Variants in FGF13 observed in about 807,000 individuals in gnomAD.
FGF13 encodes fibroblast growth factor 13, also known as fibroblast growth factor homologous factor 2.
Under a neutral mutation model 19.5 loss-of-function variants are expected in FGF13, and 2 were observed. That is an observed-to-expected ratio of 0.10 (90% confidence interval 0.04 to 0.32). The LOEUF is 0.32. Among genes scored for constraint, FGF13 ranks in the 10% least tolerant of loss-of-function variants. FGF13 has a pLI of 1.00. For missense variants in FGF13, 113 were observed against 192.7 expected (o/e 0.59, Z 2.45); for synonymous variants, 72 against 76.9 (o/e 0.94, Z 0.33).
rs192144966 is a variant in FGF13 at position 139,115,996 on chromosome X, C to T, written c.-113+87420G>A. Among the ~76,000 whole-genome samples, 800 of 112,269 alleles carry T rather than the reference C, an allele frequency of 7.1e-3. 9 individuals carry two copies. Among genetic ancestry groups the T allele is most frequent in the African/African-American group, 0.025 (777 of 30,921 alleles). On this transcript the variant is annotated intron_variant, in intron 1 of 2. Coordinates refer to the FGF13 transcript ENST00000421460. ...TGGAATCATGAAGGGCTCTTTAGCT[C>T]AATGAGTAAATACATAGATCTCCAG... is the stretch of plus-strand genomic sequence containing the variant.
At chrX:138,798,026 C>T in intron 3 of FGF13, among the ~76,000 whole-genome samples, 1 of 111,836 alleles carries the variant, frequency 8.9e-6, no homozygotes, top group Non-Finnish European at 1.9e-5. Context: ...AATTTGACTT[C>T]CTGTGTTCCA....
chrX:138,731,948 A>G (rs759955847), intron 1 of FGF13, among the ~76,000 whole-genome samples: 6 of 111,990 alleles, frequency 5.4e-5, no homozygotes, highest in South Asian at 3.7e-4. Flanking sequence ...ATACTTCCTT[A>G]AAGAATATGT....
chrX:138,796,471 T>C (rs907186669), intron 3 of FGF13, among the ~76,000 whole-genome samples: 4 of 112,204 alleles, frequency 3.6e-5, no homozygotes, highest in Non-Finnish European at 7.5e-5. Flanking sequence ...CAGTCTATCA[T>C]TGATGGGCAT....
intron 1 of FGF13, among the ~76,000 whole-genome samples, chrX:139,170,285 T>C (rs1276722008): frequency 9.0e-6 from 1 of 111,550 alleles, no homozygotes; most frequent in East Asian, 2.8e-4. Flanking sequence ...TTCTCATTTA[T>C]GCTAATGCAT....
chrX:138,655,155 A>G (rs1235129975), intron 3 of FGF13, among the ~76,000 whole-genome samples: 1 of 111,878 alleles, frequency 8.9e-6, no homozygotes, highest in Admixed American at 9.5e-5. Flanking sequence ...CCTTATCTAA[A>G]ATATTGTCAA....
intron 1 of FGF13, among the ~76,000 whole-genome samples, chrX:138,891,497 T>C (rs768297511): frequency 7.2e-5 from 8 of 111,122 alleles, no homozygotes; most frequent in Non-Finnish European, 1.5e-4. Flanking sequence ...CATGAACTCA[T>C]CTAAGCCTAA....
intron 1 of FGF13, among the ~76,000 whole-genome samples, chrX:138,939,325 C>T (rs2091747099): frequency 8.9e-6 from 1 of 112,186 alleles, no homozygotes; most frequent in Admixed American, 9.5e-5. Context: ...TATTCATAAG[C>T]TAAAACTAAG....
intron 1 of FGF13, among the ~76,000 whole-genome samples, chrX:138,951,934 A>G: frequency 1.8e-5 from 2 of 111,338 alleles, no homozygotes; most frequent in Middle Eastern, 4.6e-3. Context: ...AAGAGGATAC[A>G]AACAAATGGA....
intron 1 of FGF13, among the ~76,000 whole-genome samples, chrX:139,004,088 C>T (rs1376646741): frequency 8.9e-6 from 1 of 112,452 alleles, no homozygotes; most frequent in South Asian, 3.7e-4. Context: ...TGGTGCTCGT[C>T]GGGGAGGCTT....
chrX:138,738,541 G>A (rs1049323139), intron 1 of FGF13, among the ~76,000 whole-genome samples: 3 of 111,590 alleles, frequency 2.7e-5, no homozygotes, highest in Non-Finnish European at 5.6e-5. Flanking sequence ...TGGTCGCTCC[G>A]GCAACCTTCT....
intron 1 of FGF13, among the ~76,000 whole-genome samples, chrX:139,064,275 T>TAAAATACAACACTGTGGGTAACCCAACC (rs1288863863): frequency 1.4e-5 from 1 of 69,068 alleles, no homozygotes; most frequent in African/African-American, 7.1e-5. Context: ...AGAGTTCTTT[T>TAAAATACAACACTGTGGGTAACCCAACC]TTTTTCTTTT....
chrX:139,174,296 A>G (rs919150170), intron 1 of FGF13, among the ~76,000 whole-genome samples: 1 of 111,895 alleles, frequency 8.9e-6, no homozygotes, highest in Admixed American at 9.4e-5. Flanking sequence ...TAGATTCTGG[A>G]TGTTAGCTCT....
intron 1 of FGF13, among the ~76,000 whole-genome samples, chrX:138,727,417 C>T (rs1473601450): frequency 9.0e-6 from 1 of 110,810 alleles, no homozygotes; most frequent in African/African-American, 3.3e-5. Context: ...GTTACTGAAG[C>T]ACATAAAGAA....
upstream of FGF13, among the ~76,000 whole-genome samples, chrX:138,740,557 C>G (rs182933853): frequency 3.6e-5 from 4 of 111,914 alleles, no homozygotes; most frequent in Non-Finnish European, 5.6e-5. Flanking sequence ...TGCTTTAGCT[C>G]TGAGGATGGG....
chrX:139,101,165 C>G, intron 1 of FGF13, among the ~76,000 whole-genome samples: 2 of 111,971 alleles, frequency 1.8e-5, no homozygotes, highest in Middle Eastern at 9.2e-3. Context: ...ATGCACTGGA[C>G]TCAGAGACCC....
At chrX:138,936,396 T>C (rs1183450820) in intron 1 of FGF13, among the ~76,000 whole-genome samples, 1 of 111,774 alleles carries the variant, frequency 8.9e-6, no homozygotes, top group Non-Finnish European at 1.9e-5. Flanking sequence ...GAGTAGAAAA[T>C]AACAAAATAT....
intron 3 of FGF13, among the ~76,000 whole-genome samples, chrX:138,693,273 G>T (rs2089857707): frequency 8.9e-6 from 1 of 111,736 alleles, no homozygotes; most frequent in South Asian, 3.7e-4. Context: ...GTGTTTGGAA[G>T]TAAAATCTAA....
chrX:138,658,147 G>A (rs1019501246), intron 3 of FGF13, among the ~76,000 whole-genome samples: 2 of 112,176 alleles, frequency 1.8e-5, no homozygotes, highest in Non-Finnish European at 3.8e-5. Context: ...TTGTGTTCAG[G>A]AGGGAAGGAT....
chrX:139,104,885 A>G (rs946786659), intron 1 of FGF13, among the ~76,000 whole-genome samples: 2 of 111,392 alleles, frequency 1.8e-5, no homozygotes, highest in African/African-American at 6.5e-5. Flanking sequence ...ATTTTAACAT[A>G]TGAATTTGTA....
Sources: allele counts gnomAD v4.1 joint callset (sites outside exome capture counted in the v4.1 genomes callset), GRCh38; gene constraint gnomAD v4.1.1; transcripts MANE v1.5; gene names NCBI Gene and HGNC (gene_info 2026-07-23, HGNC 2026-07-21).